The following AOPEP variants were observed in gnomAD, a reference collection of about 807,000 sequenced individuals.
AOPEP encodes aminopeptidase O.
A neutral mutation model predicts 98.1 loss-of-function variants in AOPEP; 77 were observed. The ratio of observed to expected loss-of-function variants is 0.78; its 90% CI spans 0.65 to 0.95. The LOEUF is 0.95. AOPEP is among the 40% of genes least tolerant of loss of function. The probability of loss-of-function intolerance (pLI) is 0.00; values close to 1 mark genes in which losing one functional copy is unlikely to be tolerated. For missense variants in AOPEP, 1,024 were observed against 1,024.7 expected (o/e 1.00, Z 0.01); for synonymous variants, 346 against 365.3 (o/e 0.95, Z 0.60).
the AOPEP span, among the ~76,000 whole-genome samples, chr9:95,117,612 A>T: frequency 2.6e-5 from 2 of 77,100 alleles, no homozygotes; most frequent in East Asian, 7.8e-4. Context: ...TTAAAAATTT[A>T]TGCTCTTGAT....
At chr9:94,727,885 C>A (rs1043800134) in intron 1 of AOPEP, among the ~76,000 whole-genome samples, 1 of 152,186 alleles carries the variant, frequency 6.6e-6, no homozygotes, top group African/African-American at 2.4e-5. Flanking sequence ...TTTCTCCTTA[C>A]TTCATACAAC....
At chr9:95,113,232 G>A in the AOPEP span, among the ~76,000 whole-genome samples, 3 of 152,186 alleles carry the variant, frequency 2.0e-5, no homozygotes, top group South Asian at 2.1e-4. Context: ...TGAGCAGCTG[G>A]CACCCAAGCC....
At chr9:95,076,073 G>A (rs942241168) in intron 14 of AOPEP, among the ~76,000 whole-genome samples, 8 of 152,300 alleles carry the variant, frequency 5.3e-5, no homozygotes, top group South Asian at 2.1e-4. Flanking sequence ...GTACTTCACC[G>A]TACCTGGCTG....
At chr9:95,077,985 A>G (rs1286971164) in intron 14 of AOPEP, among the ~76,000 whole-genome samples, 1 of 151,900 alleles carries the variant, frequency 6.6e-6, no homozygotes, top group Non-Finnish European at 1.5e-5. Flanking sequence ...TCGCCGAAAT[A>G]TTGACATACA....
intron 5 of AOPEP, among the ~76,000 whole-genome samples, chr9:94,822,398 G>T (rs576844267): frequency 6.6e-6 from 1 of 152,128 alleles, no homozygotes; most frequent in Non-Finnish European, 1.5e-5. Context: ...GAAGTTTTTT[G>T]TTTGTTTTGT....
At chr9:94,946,288 C>T (rs1386354713) in intron 7 of AOPEP, among the ~76,000 whole-genome samples, 1 of 152,288 alleles carries the variant, frequency 6.6e-6, no homozygotes, top group East Asian at 1.9e-4. Flanking sequence ...CATGCTTTAG[C>T]TTAAATATAT....
At chr9:95,063,562 T>G (rs1243684958) in intron 14 of AOPEP, among the ~76,000 whole-genome samples, 1 of 152,236 alleles carries the variant, frequency 6.6e-6, no homozygotes, top group Non-Finnish European at 1.5e-5. Flanking sequence ...GGGCTCCCCC[T>G]GTGTTGTTTT....
chr9:95,057,176 C>G (rs1425183246), intron 13 of AOPEP, among the ~76,000 whole-genome samples: 5 of 152,204 alleles, frequency 3.3e-5, no homozygotes, highest in African/African-American at 1.2e-4. Context: ...AGGTAAGGTC[C>G]TTTATTTTTC....
At chr9:95,120,831 T>TTTAGGTCTA in the AOPEP span, among the ~76,000 whole-genome samples, 1 of 152,174 alleles carries the variant, frequency 6.6e-6, no homozygotes, top group Non-Finnish European at 1.5e-5. Flanking sequence ...TAGTTTTGGG[T>TTTAGGTCTA]TTAGGTCTAT....
intron 5 of AOPEP, among the ~76,000 whole-genome samples, chr9:94,890,131 A>C (rs2048713436): frequency 2.0e-5 from 3 of 151,312 alleles, no homozygotes; most frequent in Admixed American, 2.0e-4. Context: ...AGGTTCAAGC[A>C]ATTCTCCTGC....
chr9:94,772,911 C>T (rs1321480910), intron 2 of AOPEP, 91 bp from the exon 3 acceptor site: 9 of 1,246,584 alleles, frequency 7.2e-6, no homozygotes, highest in African/African-American at 1.5e-5. Flanking sequence ...TCTTTGAAAG[C>T]TCAACTTAAC....
At chr9:94,727,604 A>G (rs1304033086) in intron 1 of AOPEP, among the ~76,000 whole-genome samples, 1 of 152,278 alleles carries the variant, frequency 6.6e-6, no homozygotes, top group Non-Finnish European at 1.5e-5. Flanking sequence ...TGCTGAGTAT[A>G]TGGGACGAGA....
chr9:95,042,979 T>G (rs1382447162), intron 13 of AOPEP, among the ~76,000 whole-genome samples: 2 of 151,978 alleles, frequency 1.3e-5, no homozygotes, highest in African/African-American at 4.8e-5. Flanking sequence ...TAGTATTAGG[T>G]AGGGGTTTTT....
In AOPEP at chr9:95,028,063, G is replaced by A. The variant is rs959710385; in HGVS notation, c.2115+22447G>A. Among the ~76,000 whole-genome samples, 18 of 152,234 alleles carry A rather than the reference G, an allele frequency of 1.2e-4. No individual in the cohort carries two copies. In the South Asian group the frequency reaches 2.9e-3, roughly 25 times the overall value. ...TGTGCTTGTCCAAATATTCTGAAGC[G>A]GGGCATGCAGTCTGTCAAGAGGAAA... is the stretch of plus-strand genomic sequence containing the variant. On this transcript the variant is annotated intron_variant, in intron 13 of 16. Transcript: ENST00000375315.
intron 14 of AOPEP, among the ~76,000 whole-genome samples, chr9:95,066,701 T>G (rs1422329153): frequency 6.6e-6 from 1 of 152,120 alleles, no homozygotes; most frequent in Non-Finnish European, 1.5e-5. Flanking sequence ...CGCTCTCCAG[T>G]CTGTATAGAT....
chr9:94,965,910 C>A (rs976860416), intron 9 of AOPEP, among the ~76,000 whole-genome samples: 3 of 150,886 alleles, frequency 2.0e-5, no homozygotes, highest in East Asian at 3.9e-4. Flanking sequence ...TGGGAGGCTT[C>A]GGTCTGCAGT....
intron 5 of AOPEP, among the ~76,000 whole-genome samples, chr9:94,906,194 C>G (rs2136328134): frequency 6.6e-6 from 1 of 151,182 alleles, no homozygotes; most frequent in Admixed American, 6.6e-5. Flanking sequence ...CACAGTAGCT[C>G]ACACCTGTAA....
chr9:94,937,321 A>T (rs955484832), intron 7 of AOPEP, among the ~76,000 whole-genome samples: 2 of 152,228 alleles, frequency 1.3e-5, no homozygotes, highest in African/African-American at 4.8e-5. Flanking sequence ...TGTGACAGCC[A>T]TCTTCTCGCT....
At chr9:94,867,405 T>G (rs1176891546) in intron 5 of AOPEP, among the ~76,000 whole-genome samples, 2 of 152,222 alleles carry the variant, frequency 1.3e-5, no homozygotes, top group Non-Finnish European at 2.9e-5. Context: ...CTGGCCTGTT[T>G]GCTTTCAGAG....
Sources: allele counts gnomAD v4.1 joint callset (sites outside exome capture counted in the v4.1 genomes callset), GRCh38; gene constraint gnomAD v4.1.1; transcripts MANE v1.5; gene names NCBI Gene and HGNC (gene_info 2026-07-23, HGNC 2026-07-21).